The following ADAM17 variants were observed in gnomAD, a reference collection of about 807,000 sequenced individuals.
The protein encoded by ADAM17 is ADAM metallopeptidase domain 17, also known as disintegrin and metalloproteinase domain-containing protein 17.
A neutral mutation model predicts 96.7 loss-of-function variants in ADAM17; 39 were observed. That is an observed-to-expected ratio of 0.40 (90% CI 0.31 to 0.53). The LOEUF is 0.53. ADAM17 is among the 20% of genes least tolerant of loss of function. ADAM17 has a pLI of 0.44. For missense variants in ADAM17, 777 were observed against 1,013.2 expected (o/e 0.77, Z 3.17); for synonymous variants, 344 against 359.2 (o/e 0.96, Z 0.48).
In ADAM17 at chr2:9,494,784, G is replaced by A. The variant is rs1418562602; in HGVS notation, c.1784-17C>T. The A allele has an allele frequency of 5.6e-6, 9 of 1,613,008 alleles. No individual in the cohort carries two copies. Among genetic ancestry groups the A allele is most frequent in the Middle Eastern group, 3.3e-4 (2 of 6,080 alleles). ...TGTCAGTTTCTGGAACAGAGAACAC[G>A]CATTGACAGCTGGATTGTTCTGAGA... On this transcript the variant is annotated splice_polypyrimidine_tract_variant and intron_variant, in intron 14 of 18. Coordinates refer to ENST00000310823, the MANE Select transcript of ADAM17 (RefSeq NM_003183.6).
At chr2:9,511,985 A>C (rs1663767078) in intron 10 of ADAM17, among the ~76,000 whole-genome samples, 1 of 142,900 alleles carries the variant, frequency 7.0e-6, no homozygotes, top group Admixed American at 7.0e-5. Context: ...TAAATAAATA[A>C]AATAAAATAA....
intron 10 of ADAM17, among the ~76,000 whole-genome samples, chr2:9,514,527 AT>A: frequency 3.1e-4 from 2 of 6,540 alleles, no homozygotes; most frequent in East Asian, 2.5e-3. Context: ...AAATATATAT[AT>A]ATATATATAT....
At position 9,510,021 on chromosome 2, in the gene ADAM17, G is replaced by A. The variant is rs1163339394; in HGVS notation, c.1302C>T (p.Val434=). The part of the protein sequence containing the change: ...APNEDQGGKY[V]MYPIAVSGDH... ...CGCCACTCACAGCTATGGGATACAT[G>A]ACATATTTCCCTCCCTGGTCCTCAT... The change falls in exon 11 of 19, where the codon GTC becomes GTT. Residue 434 remains valine, a synonymous_variant. Coordinates refer to ENST00000310823, the MANE Select transcript of ADAM17 (RefSeq NM_003183.6). 5 of 1,614,116 alleles carry A rather than the reference G, an allele frequency of 3.1e-6. No individual in the cohort carries two copies. In the Admixed American group the frequency reaches 5.0e-5, roughly 16 times the overall value.
At chr2:9,521,544 C>CCTG in intron 7 of ADAM17, 1 of 210,424 alleles carries the variant, frequency 4.8e-6, no homozygotes. Context: ...TATAAATGTA[C>CCTG]TCTTAAATTT....
chr2:9,497,518 T>A (rs1223601638), intron 13 of ADAM17, among the ~76,000 whole-genome samples: 1 of 152,178 alleles, frequency 6.6e-6, no homozygotes, highest in Non-Finnish European at 1.5e-5. Flanking sequence ...CTCACAGTCA[T>A]ATATAAAAGA....
chr2:9,497,187 A>G lies in ADAM17; in HGVS notation c.1710T>C (p.Leu570=). ...NAEDDTVCLD[L]GKCKDGKCIP... ...TGCATTTCCCATCCTTACACTTGCCAAGATCCAAGCAAACAGTGTCATCTT... is the reference window on the plus strand; with the variant it reads ...TGCATTTCCCATCCTTACACTTGCCGAGATCCAAGCAAACAGTGTCATCTT... The change falls in exon 14 of 19, where the codon CTT becomes CTC. Residue 570 remains leucine (L), a synonymous_variant. Transcript: ENST00000310823. The G allele has an allele frequency of 6.2e-7, 1 of 1,614,238 alleles. No homozygotes were observed.
Position 9,555,782 on chromosome 2 carries a change from T to A in ADAM17, c.-177A>T. 2.1e-6 allele frequency: 1 copy of A among 481,576 alleles called. No individual in the cohort carries two copies. The highest frequency in any genetic ancestry group is 3.5e-6 in the Non-Finnish European group (1 of 281,884). 29.8% of individuals were successfully genotyped at this position (481,576 alleles called of 1,614,324 possible). ...CCGCCAGGCTCGACGCCCCCAGAAG[T>A]GCAGGTGGCGTTACCAAAGGCCGGC... On this transcript the variant is annotated 5_prime_UTR_variant, in exon 1 of 19. Coordinates refer to ENST00000310823, the MANE Select transcript of ADAM17 (RefSeq NM_003183.6).
chr2:9,500,997 C>T (rs1044924407), intron 13 of ADAM17, among the ~76,000 whole-genome samples: 2 of 152,174 alleles, frequency 1.3e-5, no homozygotes, highest in Non-Finnish European at 2.9e-5. Flanking sequence ...AATACACACA[C>T]ACAACAAAAT....
intron 2 of ADAM17, among the ~76,000 whole-genome samples, chr2:9,540,045 A>C (rs1460190736): frequency 2.0e-5 from 3 of 152,194 alleles, no homozygotes; most frequent in Non-Finnish European, 2.9e-5. Context: ...ACAAGTGGCT[A>C]CGATTTAATA....
chr2:9,522,854 T>C (rs1206348220), intron 7 of ADAM17, among the ~76,000 whole-genome samples: 2 of 152,180 alleles, frequency 1.3e-5, no homozygotes, highest in African/African-American at 4.8e-5. Flanking sequence ...GTTCTGTATA[T>C]ATAAATACAG....
chr2:9,529,168 G>C (rs1018813141), intron 4 of ADAM17, among the ~76,000 whole-genome samples: 1 of 152,102 alleles, frequency 6.6e-6, no homozygotes, highest in East Asian at 1.9e-4. Context: ...GCCACACACA[G>C]GCTGGGCGTG....
At chr2:9,494,823 C>T (rs1418247659) in intron 14 of ADAM17, 56 bp from the exon 15 acceptor site, 2 of 1,596,418 alleles carry the variant, frequency 1.3e-6, no homozygotes, top group African/African-American at 1.4e-5. Context: ...GCCTCTCCTC[C>T]TGCCTCCTCT....
intron 11 of ADAM17, among the ~76,000 whole-genome samples, chr2:9,506,370 T>G (rs867673241): frequency 1.5e-4 from 22 of 144,498 alleles, no homozygotes; most frequent in African/African-American, 5.7e-4. Context: ...TTTTTTTTTT[T>G]TTTTTTTTTT....
chr2:9,526,374 C>T, intron 5 of ADAM17, 130 bp from the exon 6 acceptor site: 2 of 927,968 alleles, frequency 2.2e-6, no homozygotes, highest in Non-Finnish European at 3.1e-6. Context: ...GGATTCTGAA[C>T]AACAACAAAA....
chr2:9,497,657 A>C (rs1233919407), intron 13 of ADAM17, among the ~76,000 whole-genome samples: 1 of 152,330 alleles, frequency 6.6e-6, no homozygotes, highest in African/African-American at 2.4e-5. Flanking sequence ...TGCTTTGGCT[A>C]TGACAACCTC....
intron 2 of ADAM17, among the ~76,000 whole-genome samples, chr2:9,539,367 G>A (rs978897640): frequency 3.9e-5 from 6 of 151,968 alleles, no homozygotes; most frequent in African/African-American, 7.3e-5. Context: ...CATCCAGCTC[G>A]GCCTCCCAAA....
chr2:9,519,231 G>A (rs886819736), intron 8 of ADAM17, among the ~76,000 whole-genome samples: 2 of 152,160 alleles, frequency 1.3e-5, no homozygotes, highest in Non-Finnish European at 1.5e-5. Context: ...CTTTAAATGA[G>A]AGGCCAGAGA....
intron 1 of ADAM17, among the ~76,000 whole-genome samples, chr2:9,548,085 AAGAG>A (rs1385389465): frequency 6.6e-6 from 1 of 151,488 alleles, no homozygotes; most frequent in African/African-American, 2.4e-5. Flanking sequence ...AAAAAAAAAA[AAGAG>A]AGAGAAAGCC....
rs1361814499 is a variant in ADAM17 at position 9,543,204 on chromosome 2, A to G, written c.179T>C (p.Leu60Pro). The G allele has an allele frequency of 1.2e-6, 2 of 1,610,810 alleles. No homozygotes were observed. Among genetic ancestry groups the G allele is most frequent in the Non-Finnish European group, 1.7e-6 (2 of 1,178,614 alleles). The change falls in exon 2 of 19, where the codon CTA (leucine) becomes CCA (proline). Residue 60 changes from leucine (L) to proline (P), a missense_variant. By Grantham distance (98) the Leu-to-Pro change is moderately conservative. Transcript: ENST00000310823. ...TGTTTCTACATGTGTTGAAGTCTGTAGATCTCTTTTTCTTACCGAATGCTG... is the reference window on the plus strand; with the variant it reads ...TGTTTCTACATGTGTTGAAGTCTGTGGATCTCTTTTTCTTACCGAATGCTG... ...IQQHSVRKRD[L>P]QTSTHVETLL... is the part of the protein sequence containing the mutation.
Sources: gnomAD v4.1 joint callset for allele counts (sites outside exome capture counted in the v4.1 genomes callset) on GRCh38, gnomAD v4.1.1 for gene constraint, MANE v1.5 for transcripts, NCBI Gene and HGNC (gene_info 2026-07-23, HGNC 2026-07-21) for gene names.